MYCBP2: variants seen among roughly 807,000 people sequenced by gnomAD.
MYCBP2 encodes E3 ubiquitin-protein ligase MYCBP2.
MYCBP2 carries 120 observed loss-of-function variants against 525.3 expected under a neutral mutation model. That is an observed-to-expected ratio of 0.23 (90% CI 0.20 to 0.27). The LOEUF (loss-of-function observed/expected upper bound fraction) is 0.27. Among genes scored for constraint, MYCBP2 ranks in the 10% least tolerant of loss-of-function variants. The pLI is 1.00. For missense variants in MYCBP2, 4,149 were observed against 5,657.1 expected (o/e 0.73, Z 8.55); for synonymous variants, 1,894 against 1,955.8 (o/e 0.97, Z 0.83).
rs1171096063 is a variant in MYCBP2, at chr13:77,121,510, A to G, written c.8018-15T>C. 1 of 1,550,178 alleles carries G rather than the reference A, an allele frequency of 6.5e-7. No homozygotes were observed. Among genetic ancestry groups the G allele is most frequent in the African/African-American group, 1.4e-5 (1 of 73,640 alleles). On this transcript the variant is annotated splice_polypyrimidine_tract_variant and intron_variant, in intron 54 of 82. Transcript: ENST00000544440. ...AAGAGCTTGTTCTACAATAAAAGCC[A>G]TAGCTGTAACATTAGTTTCTTACGT... is the stretch of plus-strand genomic sequence containing the variant.
intron 37 of MYCBP2, among the ~76,000 whole-genome samples, chr13:77,172,017 C>T (rs996125866): frequency 1.3e-5 from 2 of 152,138 alleles, no homozygotes; most frequent in Admixed American, 6.5e-5. Flanking sequence ...TCTCCTCCCT[C>T]GGCCTCCCAA....
chr13:77,208,346 T>C (rs2063588495), intron 23 of MYCBP2, among the ~76,000 whole-genome samples: 1 of 152,188 alleles, frequency 6.6e-6, no homozygotes, highest in Non-Finnish European at 1.5e-5. Flanking sequence ...ACTCAGCAAT[T>C]CTACATTTTA....
chr13:77,052,700 A>G (rs557711851), intron 80 of MYCBP2, among the ~76,000 whole-genome samples: 1 of 152,384 alleles, frequency 6.6e-6, no homozygotes, highest in Admixed American at 6.5e-5. Flanking sequence ...GTTTTAATAA[A>G]TATGCTTAGC....
Position 77,150,806 on chromosome 13 carries a change from T to C in MYCBP2, c.7059A>G (p.Ser2353=), listed in dbSNP as rs1375357141. Residue 2353 remains serine, a synonymous_variant, in exon 47 of 83, where the codon TCA becomes TCG. Transcript: ENST00000544440. ...NTDMTYGGLA[S]PKLDVSYEPM... is the part of the protein sequence containing the mutation. ...GTTCATATGAAACATCTAGCTTTGG[T>C]GATGCCAGCCCTCCATAAGTCATGT... 2 of 1,614,044 alleles carry C rather than the reference T, an allele frequency of 1.2e-6. No individual in the cohort carries two copies. The highest frequency in any genetic ancestry group is 2.7e-5 in the African/African-American group (2 of 74,946).
At chr13:77,230,676 T>C (rs764903325) in intron 18 of MYCBP2, among the ~76,000 whole-genome samples, 5 of 152,226 alleles carry the variant, frequency 3.3e-5, no homozygotes, top group African/African-American at 7.2e-5. Context: ...CCCTGCACTA[T>C]CAGAAAGCAA....
intron 46 of MYCBP2, 106 bp downstream of exon 46, chr13:77,155,952 A>G (rs2057165653): frequency 9.4e-7 from 1 of 1,062,304 alleles, no homozygotes; most frequent in Non-Finnish European, 1.3e-6. Flanking sequence ...CCCTTTATAT[A>G]AAGAGGGTAG....
At chr13:77,212,364 A>G (rs1303789760) in intron 21 of MYCBP2, among the ~76,000 whole-genome samples, 2 of 152,184 alleles carry the variant, frequency 1.3e-5, no homozygotes, top group Non-Finnish European at 2.9e-5. Flanking sequence ...TTATTCCTGG[A>G]AAGTCTTAAA....
At chr13:77,227,084 G>A (rs2066383951) in intron 18 of MYCBP2, among the ~76,000 whole-genome samples, 1 of 152,036 alleles carries the variant, frequency 6.6e-6, no homozygotes, top group South Asian at 2.1e-4. Context: ...CACGTTGAAG[G>A]AATCCTTCAT....
At chr13:77,286,569 CG>C (rs1293401683) in intron 3 of MYCBP2, among the ~76,000 whole-genome samples, 1 of 149,204 alleles carries the variant, frequency 6.7e-6, no homozygotes, top group Non-Finnish European at 1.5e-5. Context: ...CCGGCTAACA[CG>C]GTGAAACCCC....
chr13:77,263,356 A>T (rs2073618321), intron 10 of MYCBP2, among the ~76,000 whole-genome samples: 1 of 152,038 alleles, frequency 6.6e-6, no homozygotes, highest in Non-Finnish European at 1.5e-5. Context: ...GACATTCACC[A>T]ATATCCATCC....
At chr13:77,069,418 C>T (rs149291522) in intron 69 of MYCBP2, among the ~76,000 whole-genome samples, 15 of 151,868 alleles carry the variant, frequency 9.9e-5, no homozygotes, top group African/African-American at 3.1e-4. Context: ...ATCAGGAGAT[C>T]GAGACCATCC....
intron 62 of MYCBP2, 103 bp from the exon 63 acceptor site, chr13:77,083,295 T>C: frequency 9.2e-7 from 1 of 1,091,720 alleles, no homozygotes; most frequent in Non-Finnish European, 1.3e-6. Context: ...GTAACAGAAA[T>C]ACAAACAACA....
intron 1 of MYCBP2, among the ~76,000 whole-genome samples, chr13:77,308,792 A>T (rs2079782526): frequency 6.6e-6 from 1 of 152,238 alleles, no homozygotes; most frequent in Non-Finnish European, 1.5e-5. Flanking sequence ...ATGGGGAACT[A>T]GGGCCTGAAC....
At chr13:77,118,634 G>A in intron 55 of MYCBP2, 2 of 559,122 alleles carry the variant, frequency 3.6e-6, no homozygotes, top group Non-Finnish European at 3.2e-6. Flanking sequence ...AGTGAAAATT[G>A]GTGACTGTTA....
At chr13:77,050,290 A>C (rs1452040629) in intron 82 of MYCBP2, among the ~76,000 whole-genome samples, 1 of 152,156 alleles carries the variant, frequency 6.6e-6, no homozygotes, top group Non-Finnish European at 1.5e-5. Flanking sequence ...TAGCTTTGAC[A>C]ACACGGTATA....
chr13:77,152,423 G>T (rs574436559), intron 46 of MYCBP2, among the ~76,000 whole-genome samples: 1 of 152,184 alleles, frequency 6.6e-6, no homozygotes, highest in Non-Finnish European at 1.5e-5. Flanking sequence ...GGATATACTG[G>T]ATAGGAGAAG....
intron 5 of MYCBP2, 30 bp from the exon 6 acceptor site, chr13:77,270,568 A>T (rs769843897): frequency 6.4e-7 from 1 of 1,560,174 alleles, no homozygotes; most frequent in East Asian, 2.3e-5. Context: ...AATAATGAAA[A>T]AACATTTTTA....
intron 52 of MYCBP2, among the ~76,000 whole-genome samples, chr13:77,135,064 G>T (rs1156332727): frequency 1.3e-5 from 2 of 152,178 alleles, no homozygotes; most frequent in East Asian, 1.9e-4. Flanking sequence ...TAGTTTGTTT[G>T]AGTTGGGATC....
chr13:77,257,590 A>G, intron 14 of MYCBP2, 81 bp downstream of exon 14: 5 of 1,357,770 alleles, frequency 3.7e-6, no homozygotes, highest in Non-Finnish European at 4.9e-6. Context: ...TTTTGAAAAG[A>G]ACAAGACTTT....
Sources: gnomAD v4.1 joint callset for allele counts (sites outside exome capture counted in the v4.1 genomes callset) on GRCh38, gnomAD v4.1.1 for gene constraint, MANE v1.5 for transcripts, NCBI Gene and HGNC (gene_info 2026-07-23, HGNC 2026-07-21) for gene names.